Variants in TMEM267 observed in about 807,000 individuals in gnomAD.
TMEM267 encodes transmembrane protein 267, also known as transmembrane protein C5orf28.
TMEM267 carries 20 observed loss-of-function variants against 19.3 expected under a neutral mutation model. That is an observed-to-expected ratio of 1.04 (90% CI 0.73 to 1.51). The LOEUF (loss-of-function observed/expected upper bound fraction) is 1.51. Among genes scored for constraint, TMEM267 ranks in the 40% most tolerant of loss-of-function variants. TMEM267 has a pLI of 0.00. For missense variants in TMEM267, 242 were observed against 261.9 expected, an observed-to-expected ratio of 0.92 and a Z score of 0.52; for synonymous variants, 88 against 90.3, an observed-to-expected ratio of 0.97 and a Z score of 0.15.
At chr5:43,456,397 C>A (rs564519553) in intron 1 of TMEM267, among the ~76,000 whole-genome samples, 1 of 149,162 alleles carries the variant, frequency 6.7e-6, no homozygotes, top group Admixed American at 6.7e-5. Context: ...AGATAAAATA[C>A]CAAAAGCTTG....
chr5:43,452,077 CA>C (rs375224453), intron 2 of TMEM267, among the ~76,000 whole-genome samples: 152 of 86,526 alleles, frequency 1.8e-3, no homozygotes, highest in East Asian at 8.5e-3. Context: ...GACCCTATCT[CA>C]AAAAAAAAAA....
chr5:43,468,852 A>G (rs1346942930), intron 1 of TMEM267, among the ~76,000 whole-genome samples: 1 of 152,246 alleles, frequency 6.6e-6, no homozygotes, highest in Non-Finnish European at 1.5e-5. Flanking sequence ...ATTAACAAAA[A>G]TTGAATTAAT....
chr5:43,461,805 ACT>A (rs1384030128), intron 1 of TMEM267, among the ~76,000 whole-genome samples: 1 of 151,558 alleles, frequency 6.6e-6, no homozygotes, highest in African/African-American at 2.4e-5. Context: ...AAGGTTTTTG[ACT>A]CTAGTCCCTG....
intron 1 of TMEM267, among the ~76,000 whole-genome samples, chr5:43,468,925 G>C (rs1462559113): frequency 2.0e-5 from 3 of 152,114 alleles, no homozygotes; most frequent in Non-Finnish European, 4.4e-5. Flanking sequence ...AGGAATTTTG[G>C]AAACTATACA....
At position 43,453,742 on chromosome 5, in the gene TMEM267, GT is replaced by G. The variant is rs1742751789; in HGVS notation, c.227del (p.Asp76AlafsTer7). The G allele has an allele frequency of 6.2e-7, 1 of 1,613,946 alleles. No individual in the cohort carries two copies. On this transcript the variant is annotated frameshift_variant, in exon 2 of 3. Transcript: ENST00000397080. LOFTEE classifies it high-confidence loss of function. ...AVVTGIKKKT[D>X]FGEIILAGFL... is the part of the protein sequence containing the mutation. ...ATCCAGCTAAAATGATTTCTCCAAAGTCAGTCTTCTTCTTGATTCCAGTGAC... is the reference window on the plus strand; with the variant it reads ...ATCCAGCTAAAATGATTTCTCCAAAGCAGTCTTCTTCTTGATTCCAGTGAC...
Position 43,470,095 on chromosome 5 carries a change from C to T in TMEM267, c.-75+13727G>A, listed in dbSNP as rs1349629849. Among the ~76,000 whole-genome samples, 8 of 152,260 alleles carry T rather than the reference C, an allele frequency of 5.3e-5. No homozygotes were observed. In the East Asian group the frequency reaches 1.5e-3, roughly 29 times the overall value. ...ATCTACCTATGACCTGGAAGTCTTC[C>T]CTTTGAGTTGTCCCGCCTTTCCAGA... On this transcript the variant is annotated intron_variant, in intron 1 of 2. Coordinates refer to ENST00000397080, the MANE Select transcript of TMEM267 (RefSeq NM_022483.5).
At chr5:43,464,855 A>G (rs955141378) in intron 1 of TMEM267, among the ~76,000 whole-genome samples, 1 of 152,244 alleles carries the variant, frequency 6.6e-6, no homozygotes, top group Non-Finnish European at 1.5e-5. Context: ...TAAAAACCCT[A>G]GAAGAAAACC....
intron 1 of TMEM267, among the ~76,000 whole-genome samples, chr5:43,475,927 T>C (rs1242620185): frequency 6.6e-6 from 1 of 152,194 alleles, no homozygotes; most frequent in African/African-American, 2.4e-5. Context: ...TTGTACTGTA[T>C]CAACTCAGCT....
intron 2 of TMEM267, among the ~76,000 whole-genome samples, chr5:43,453,188 G>A (rs774038964): frequency 6.6e-6 from 1 of 152,122 alleles, no homozygotes; most frequent in Admixed American, 6.6e-5. Context: ...CTTAGGACTG[G>A]GAATCATCTT....
chr5:43,451,644 T>G (rs956334531), intron 2 of TMEM267, among the ~76,000 whole-genome samples: 3 of 152,198 alleles, frequency 2.0e-5, no homozygotes, highest in Non-Finnish European at 4.4e-5. Context: ...TTATACATTG[T>G]TGGTGGGAAT....
intron 1 of TMEM267, among the ~76,000 whole-genome samples, chr5:43,477,678 T>A (rs1744511608): frequency 6.7e-6 from 1 of 150,354 alleles, no homozygotes; most frequent in African/African-American, 2.4e-5. Context: ...CTGACCAAAC[T>A]CCTGTCACCA....
chr5:43,449,627 T>C (rs2112017520), intron 2 of TMEM267, among the ~76,000 whole-genome samples: 1 of 152,326 alleles, frequency 6.6e-6, no homozygotes, highest in East Asian at 1.9e-4. Flanking sequence ...GCAGAGGCAA[T>C]AGTATTACAC....
intron 2 of TMEM267, among the ~76,000 whole-genome samples, chr5:43,450,377 G>C (rs1742515338): frequency 6.6e-6 from 1 of 152,142 alleles, no homozygotes; most frequent in Non-Finnish European, 1.5e-5. Flanking sequence ...ATAGATCACT[G>C]TCATGAATAC....
chr5:43,448,948 G>C (rs1471619846), intron 2 of TMEM267, among the ~76,000 whole-genome samples: 1 of 150,794 alleles, frequency 6.6e-6, no homozygotes, highest in African/African-American at 2.4e-5. Context: ...AAAAAATCTT[G>C]AATCAGAAAT....
chr5:43,445,128 T>G lies in TMEM267; in HGVS notation c.*1094A>C, dbSNP rs942379881. 2.0e-5 allele frequency: 3 copies of G among 152,126 alleles called. No homozygotes were observed. Among genetic ancestry groups the G allele is most frequent in the African/African-American group, 7.2e-5 (3 of 41,438 alleles). The allele number at this position is 152,126 out of a possible 1,614,324, so 9.4% of individuals were successfully genotyped here. ...CTTTAGGGCACTGACTTTAATAAAC[T>G]GTGCAAATATAAGATGTATAGCAAC... On this transcript the variant is annotated 3_prime_UTR_variant, in exon 3 of 3. Coordinates refer to ENST00000397080, the MANE Select transcript of TMEM267 (RefSeq NM_022483.5).
chr5:43,480,792 T>C (rs12697452), intron 1 of TMEM267, among the ~76,000 whole-genome samples: 83,038 of 139,088 alleles, frequency 0.6, 27,540 homozygotes, highest in African/African-American at 0.88. Context: ...ATGTTAATAA[T>C]CTTACTTTTT....
intron 1 of TMEM267, among the ~76,000 whole-genome samples, chr5:43,481,605 T>C (rs1164135748): frequency 6.6e-6 from 1 of 152,096 alleles, no homozygotes; most frequent in East Asian, 1.9e-4. Flanking sequence ...ATATTATATA[T>C]AATGGGTATA....
At chr5:43,449,349 T>C (rs1209706235) in intron 2 of TMEM267, among the ~76,000 whole-genome samples, 1 of 151,914 alleles carries the variant, frequency 6.6e-6, no homozygotes, top group African/African-American at 2.4e-5. Context: ...AACAGTCAGG[T>C]AGAAAATAGC....
intron 1 of TMEM267, among the ~76,000 whole-genome samples, chr5:43,478,130 C>T (rs1744538239): frequency 6.6e-6 from 1 of 152,092 alleles, no homozygotes. Context: ...AATGACCTGT[C>T]CATATCGGTA....
Sources: gnomAD v4.1 joint callset for allele counts (sites outside exome capture counted in the v4.1 genomes callset) on GRCh38, gnomAD v4.1.1 for gene constraint, MANE v1.5 for transcripts, NCBI Gene and HGNC (gene_info 2026-07-23, HGNC 2026-07-21) for gene names.